CCDC148: variants seen among roughly 807,000 people sequenced by gnomAD.
The protein encoded by CCDC148 is coiled-coil domain containing 148.
A neutral mutation model predicts 85.7 loss-of-function variants in CCDC148; 89 were observed. The ratio of observed to expected loss-of-function variants is 1.04; its 90% CI spans 0.87 to 1.24. CCDC148 has a LOEUF of 1.24. CCDC148 is among the 50% of genes most tolerant of loss of function. CCDC148 has a pLI of 0.00. For synonymous variants in CCDC148, 230 were observed against 213.9 expected (o/e 1.08, Z -0.66); for missense variants, 692 against 671.7 (o/e 1.03, Z -0.33).
chr2:158,328,113 C>G lies in CCDC148; in HGVS notation c.764+10613G>C, dbSNP rs558344319. Among the ~76,000 whole-genome samples, 14 of 152,056 alleles carry G rather than the reference C, an allele frequency of 9.2e-5. No homozygotes were observed. In the South Asian group the frequency reaches 2.9e-3, roughly 32 times the overall value. ...ATGTGCAATGTTGGTGTACTGCACC[C>G]AACAACTCGTCATCTAACATTAGGT... On this transcript the variant is annotated intron_variant, in intron 7 of 13. Transcript: ENST00000283233.
chr2:158,278,769 G>C (rs534274271), intron 9 of CCDC148, among the ~76,000 whole-genome samples: 1 of 152,266 alleles, frequency 6.6e-6, no homozygotes, highest in Non-Finnish European at 1.5e-5. Flanking sequence ...GCTTTGAAGA[G>C]AGCAGTGGTT....
chr2:158,374,719 G>C (rs1470279447), intron 1 of CCDC148, among the ~76,000 whole-genome samples: 4 of 151,666 alleles, frequency 2.6e-5, no homozygotes, highest in African/African-American at 9.7e-5. Flanking sequence ...GTACATATAT[G>C]TAATTAAAAG....
intron 1 of CCDC148, among the ~76,000 whole-genome samples, chr2:158,376,533 G>A (rs1042177170): frequency 6.6e-6 from 1 of 152,000 alleles, no homozygotes; most frequent in Non-Finnish European, 1.5e-5. Flanking sequence ...CTGGAACATG[G>A]TAGCCACTAA....
chr2:158,207,451 T>C (rs1686309750), intron 11 of CCDC148: 1 of 152,200 alleles, frequency 6.6e-6, no homozygotes, highest in Admixed American at 6.5e-5. Flanking sequence ...ACCCCAAAGA[T>C]CCTTTAATAA....
chr2:158,238,891 T>A (rs185920933), intron 10 of CCDC148, among the ~76,000 whole-genome samples: 2 of 152,248 alleles, frequency 1.3e-5, no homozygotes, highest in African/African-American at 4.8e-5. Flanking sequence ...ACAGCAATCA[T>A]GATGATGGGG....
chr2:158,361,944 CATAGGCTCAAAATAAAGGG>C (rs1683967045), intron 1 of CCDC148, among the ~76,000 whole-genome samples: 1 of 133,108 alleles, frequency 7.5e-6, no homozygotes, highest in Non-Finnish European at 1.6e-5. Flanking sequence ...CAAAGATACA[CATAGGCTCAAAATAAAGGG>C]ATGGAGGAAT....
intron 11 of CCDC148, 33 bp from the exon 12 acceptor site, chr2:158,179,029 G>C (rs765063847): frequency 2.7e-6 from 4 of 1,501,992 alleles, no homozygotes; most frequent in Non-Finnish European, 3.7e-6. Flanking sequence ...AGTTGTGGAA[G>C]CATCATAATA....
chr2:158,219,347 A>G (rs1687052173), intron 11 of CCDC148, among the ~76,000 whole-genome samples: 2 of 152,214 alleles, frequency 1.3e-5, no homozygotes, highest in Non-Finnish European at 2.9e-5. Flanking sequence ...TATCAATGTA[A>G]TGTCTCACAG....
chr2:158,395,879 C>T (rs1450351346), intron 1 of CCDC148, among the ~76,000 whole-genome samples: 1 of 152,106 alleles, frequency 6.6e-6, no homozygotes, highest in East Asian at 1.9e-4. Context: ...ATACAAAGTG[C>T]TTGGCACATA....
chr2:158,455,661 C>A (rs1479118952), intron 1 of CCDC148, among the ~76,000 whole-genome samples: 1 of 151,804 alleles, frequency 6.6e-6, no homozygotes, highest in African/African-American at 2.4e-5. Context: ...AGAGATTAGT[C>A]TAAAAAAAGT....
At chr2:158,331,599 C>T (rs1693126410) in intron 7 of CCDC148, among the ~76,000 whole-genome samples, 1 of 140,428 alleles carries the variant, frequency 7.1e-6, no homozygotes, top group Non-Finnish European at 1.5e-5. Flanking sequence ...CTAATGTTGC[C>T]ATGGGGTGTT....
chr2:158,242,388 C>T (rs146327855), intron 10 of CCDC148, among the ~76,000 whole-genome samples: 223 of 152,294 alleles, frequency 1.5e-3, no homozygotes, highest in African/African-American at 5.1e-3. Flanking sequence ...GTGCCAGCCA[C>T]GTGCAAACTG....
rs887309770 is a variant in CCDC148, at chr2:158,387,936, C to G, written c.26-29366G>C. Among the ~76,000 whole-genome samples, 3 of 152,174 alleles carry G rather than the reference C, an allele frequency of 2.0e-5. No homozygotes were observed. The East Asian group carries it at 5.8e-4, about 29-fold the overall frequency. ...CCTTTCCCCTTTTTGGGCTCCAACACCATAGTTTGGGCCACTGCAGTTCCC... is the reference window on the plus strand; with the variant it reads ...CCTTTCCCCTTTTTGGGCTCCAACAGCATAGTTTGGGCCACTGCAGTTCCC... On this transcript the variant is annotated intron_variant, in intron 1 of 13. Coordinates refer to ENST00000283233, the MANE Select transcript of CCDC148 (RefSeq NM_138803.4).
At chr2:158,290,773 C>G (rs1235187133) in intron 9 of CCDC148, among the ~76,000 whole-genome samples, 2 of 151,984 alleles carry the variant, frequency 1.3e-5, no homozygotes, top group Non-Finnish European at 2.9e-5. Flanking sequence ...GAATCTTTTC[C>G]ACAATTTGAT....
At chr2:158,347,960 A>T (rs1294884980) in intron 2 of CCDC148, among the ~76,000 whole-genome samples, 1 of 152,040 alleles carries the variant, frequency 6.6e-6, no homozygotes, top group African/African-American at 2.4e-5. Flanking sequence ...GTTGACAAAA[A>T]CTCAATTGTT....
intron 9 of CCDC148, among the ~76,000 whole-genome samples, chr2:158,302,917 C>T (rs948429524): frequency 2.0e-5 from 3 of 152,064 alleles, no homozygotes; most frequent in Admixed American, 6.5e-5. Flanking sequence ...CTTGGGGGAT[C>T]AAAGAGCAGG....
At position 158,456,544 on chromosome 2, in the gene CCDC148, G is replaced by C; in HGVS notation, c.-105C>G. The stretch of plus-strand genomic sequence containing the variant: ...CAGGGGTACATCTAAGGGCTCAGCT[G>C]TTCCTACCTTTGACGCCAGGGACAA... On this transcript the variant is annotated 5_prime_UTR_variant, in exon 1 of 14. Coordinates refer to ENST00000283233, the MANE Select transcript of CCDC148 (RefSeq NM_138803.4). 2 of 1,412,836 alleles carry C rather than the reference G, an allele frequency of 1.4e-6. No homozygotes were observed. Among genetic ancestry groups the C allele is most frequent in the Non-Finnish European group, 1.9e-6 (2 of 1,046,566 alleles). The allele number at this position is 1,412,836 out of a possible 1,614,324, so 87.5% of individuals were successfully genotyped here.
Position 158,334,832 on chromosome 2 carries a change from G to A in CCDC148, c.764+3894C>T, listed in dbSNP as rs116830864. ...AATATATATATTTATATTTGGCTGCGCAAGTCCCATCCCTCCACCATTAGT... is the reference window on the plus strand; with the variant it reads ...AATATATATATTTATATTTGGCTGCACAAGTCCCATCCCTCCACCATTAGT... On this transcript the variant is annotated intron_variant, in intron 7 of 13. Coordinates refer to ENST00000283233, the MANE Select transcript of CCDC148 (RefSeq NM_138803.4). 9.7e-3 allele frequency among the ~76,000 whole-genome samples: 1,470 copies of A among 151,906 alleles called. 19 individuals carry two copies. The highest frequency in any genetic ancestry group is 0.033 in the African/African-American group (1,362 of 41,422).
chr2:158,304,510 G>A (rs1357698987), intron 9 of CCDC148, among the ~76,000 whole-genome samples: 1 of 152,112 alleles, frequency 6.6e-6, no homozygotes, highest in Non-Finnish European at 1.5e-5. Context: ...CTTACCTCTG[G>A]CAGGAACCCT....
Sources: allele counts gnomAD v4.1 joint callset (sites outside exome capture counted in the v4.1 genomes callset), GRCh38; gene constraint gnomAD v4.1.1; transcripts MANE v1.5; gene names NCBI Gene and HGNC (gene_info 2026-07-23, HGNC 2026-07-21).